The following RCBTB1 variants were observed in gnomAD, a reference collection of about 807,000 sequenced individuals.
RCBTB1 encodes RCC1 and BTB domain containing protein 1, also known as RCC1 and BTB domain-containing protein 1.
RCBTB1 carries 46 observed loss-of-function variants against 62.4 expected under a neutral mutation model. The observed-to-expected ratio is 0.74, with a 90% confidence interval of 0.58 to 0.94. RCBTB1 has a LOEUF of 0.94. RCBTB1 is among the 40% of genes least tolerant of loss of function. RCBTB1 has a pLI of 0.00. For synonymous variants in RCBTB1, 222 were observed against 245.8 expected (o/e 0.90, Z 0.91); for missense variants, 565 against 654.9 (o/e 0.86, Z 1.50).
At chr13:49,575,281 G>A (rs1963696754) in intron 2 of RCBTB1, among the ~76,000 whole-genome samples, 2 of 152,158 alleles carry the variant, frequency 1.3e-5, no homozygotes. Flanking sequence ...GTACAGCAGA[G>A]GCAACACTAT....
At chr13:49,544,390 A>T (rs1384888436) in intron 10 of RCBTB1, among the ~76,000 whole-genome samples, 1 of 151,996 alleles carries the variant, frequency 6.6e-6, no homozygotes, top group African/African-American at 2.4e-5. Flanking sequence ...AATCACTTAA[A>T]CCCGGGAGGC....
chr13:49,542,076 T>C (rs1428007185), intron 10 of RCBTB1, among the ~76,000 whole-genome samples: 3 of 151,984 alleles, frequency 2.0e-5, no homozygotes, highest in Admixed American at 2.0e-4. Flanking sequence ...TAGCTGGGCA[T>C]GGTGGTGCAT....
At chr13:49,549,903 T>C in intron 8 of RCBTB1, 1 of 985,320 alleles carries the variant, frequency 1.0e-6, no homozygotes, top group African/African-American at 1.7e-5. Flanking sequence ...GAGGAAAACT[T>C]GGAAAACAGA....
In RCBTB1 at chr13:49,538,858, A is replaced by G. The variant is rs987127914; in HGVS notation, c.1455+2018T>C. On this transcript the variant is annotated intron_variant, in intron 12 of 12. Transcript: ENST00000378302. Reference sequence around the variant, plus strand: ...TCTAATTTTTCTACGTTGAATCTGTAATATTTGTAGGATTTTAAGTTTTTT... The same window carrying G: ...TCTAATTTTTCTACGTTGAATCTGTGATATTTGTAGGATTTTAAGTTTTTT... 5.8e-4 allele frequency among the ~76,000 whole-genome samples: 88 copies of G among 150,740 alleles called. 1 individual carries two copies. Among genetic ancestry groups the G allele is most frequent in the African/African-American group, 2.1e-3 (86 of 41,148 alleles).
At chr13:49,552,424 A>C in intron 6 of RCBTB1, 139 bp from the exon 7 acceptor site, 2 of 576,064 alleles carry the variant, frequency 3.5e-6, no homozygotes, top group Non-Finnish European at 3.1e-6. Context: ...CTGATCTCCA[A>C]ACAGAAGCTA....
At chr13:49,547,417 CT>C (rs1257956653) in intron 9 of RCBTB1, among the ~76,000 whole-genome samples, 1 of 152,148 alleles carries the variant, frequency 6.6e-6, no homozygotes, top group African/African-American at 2.4e-5. Flanking sequence ...CTGCCAAGAA[CT>C]ACATTAATTT....
At chr13:49,549,256 T>C (rs1961110202) in intron 9 of RCBTB1, among the ~76,000 whole-genome samples, 1 of 151,864 alleles carries the variant, frequency 6.6e-6, no homozygotes, top group African/African-American at 2.4e-5. Flanking sequence ...TGAAAGCACT[T>C]ATGAGAGAAA....
At chr13:49,543,541 T>G (rs1034787412) in intron 10 of RCBTB1, among the ~76,000 whole-genome samples, 1 of 152,234 alleles carries the variant, frequency 6.6e-6, no homozygotes, top group Non-Finnish European at 1.5e-5. Flanking sequence ...TGTATTTCTT[T>G]GCCAATAGGT....
intron 2 of RCBTB1, among the ~76,000 whole-genome samples, chr13:49,574,954 A>G (rs1963673924): frequency 6.6e-6 from 1 of 152,224 alleles, no homozygotes; most frequent in African/African-American, 2.4e-5. Context: ...AACCCTGAAG[A>G]CATTATGCTA....
intron 12 of RCBTB1, chr13:49,539,547 A>G (rs1325692729): frequency 1.3e-5 from 2 of 152,198 alleles, no homozygotes; most frequent in African/African-American, 4.8e-5. Context: ...GGAACTCGTT[A>G]ACAAGGAGGA....
In RCBTB1 at chr13:49,549,405, G is replaced by C. The variant is rs534556651; in HGVS notation, c.1045+53C>G. On this transcript the variant is annotated intron_variant, in intron 9 of 12. Transcript: ENST00000378302. ...AACCAGCAAAGACACAGGAAAACTG[G>C]TCAGTTGGTAGTACCATTCTTCCTG... 8 of 1,518,308 alleles carry C rather than the reference G, an allele frequency of 5.3e-6. No homozygotes were observed. The African/African-American group carries it at 9.7e-5, about 18-fold the overall frequency. The allele number at this position is 1,518,308 out of a possible 1,614,324, so 94.1% of individuals were successfully genotyped here. A position where few individuals can be genotyped will look rare whatever the true frequency, so the allele number is the denominator to read the frequency against.
At chr13:49,583,815 G>A (rs1964241335) in intron 1 of RCBTB1, among the ~76,000 whole-genome samples, 1 of 152,088 alleles carries the variant, frequency 6.6e-6, no homozygotes. Context: ...CCAAAATGCT[G>A]GGATTACAGA....
intron 2 of RCBTB1, among the ~76,000 whole-genome samples, chr13:49,568,115 T>C (rs1015910019): frequency 2.0e-5 from 3 of 152,206 alleles, no homozygotes; most frequent in Admixed American, 2.0e-4. Context: ...AAGCACTACA[T>C]GTATGCATAG....
intron 12 of RCBTB1, among the ~76,000 whole-genome samples, chr13:49,539,692 G>A (rs1024097563): frequency 6.6e-6 from 1 of 152,122 alleles, no homozygotes; most frequent in Admixed American, 6.6e-5. Context: ...AAGAGGTTCA[G>A]GGTGTCACAG....
At chr13:49,542,398 G>C (rs1960457755) in intron 10 of RCBTB1, among the ~76,000 whole-genome samples, 1 of 151,948 alleles carries the variant, frequency 6.6e-6, no homozygotes, top group Admixed American at 6.6e-5. Flanking sequence ...ATAGAGCCTG[G>C]AAGTACCTAG....
intron 4 of RCBTB1, among the ~76,000 whole-genome samples, chr13:49,564,883 T>A (rs112269888): frequency 7.1e-6 from 1 of 140,676 alleles, no homozygotes; most frequent in African/African-American, 2.9e-5. Flanking sequence ...AGAGAGAGAC[T>A]CCGTCTCAAA....
chr13:49,552,226 C>G lies in RCBTB1; in HGVS notation c.663G>C (p.Gln221His), dbSNP rs757404827. 1 of 1,599,096 alleles carries G rather than the reference C, an allele frequency of 6.3e-7. No individual in the cohort carries two copies. Among genetic ancestry groups the G allele is most frequent in the Non-Finnish European group, 8.5e-7 (1 of 1,172,364 alleles). ...AAGCTGCCACTCTCACAGGGGTCAG[C>G]TGGTTGCCATTGTTTCCCAGGCCCA... ...GQLGLGNNGN[Q>H]LTPVRVAALH... Residue 221 changes from glutamine (Q) to histidine (H), a missense_variant, in exon 7 of 13, where the codon CAG becomes CAC. Transcript: ENST00000378302.
intron 2 of RCBTB1, among the ~76,000 whole-genome samples, chr13:49,571,302 C>T (rs1379599692): frequency 6.6e-6 from 1 of 152,022 alleles, no homozygotes; most frequent in Admixed American, 6.5e-5. Flanking sequence ...ACCGAGATTG[C>T]ACCACTGCAC....
chr13:49,555,068 AC>A (rs1185771384), intron 6 of RCBTB1, among the ~76,000 whole-genome samples: 1 of 152,206 alleles, frequency 6.6e-6, no homozygotes, highest in Admixed American at 6.5e-5. Context: ...AACAGTCAGG[AC>A]CCCACAAAAA....
Sources: allele counts gnomAD v4.1 joint callset (sites outside exome capture counted in the v4.1 genomes callset), GRCh38; gene constraint gnomAD v4.1.1; transcripts MANE v1.5; gene names NCBI Gene and HGNC (gene_info 2026-07-23, HGNC 2026-07-21).